The following CCNY variants were observed in gnomAD, a reference collection of about 807,000 sequenced individuals.
CCNY encodes cyclin Y.
Under a neutral mutation model 42.8 loss-of-function variants are expected in CCNY, and 19 were observed. The ratio of observed to expected loss-of-function variants is 0.44; its 90% CI spans 0.31 to 0.65. The LOEUF (loss-of-function observed/expected upper bound fraction) is 0.65, where lower values mean the gene tolerates loss of function less well. CCNY is among the 30% of genes least tolerant of loss of function. CCNY has a pLI of 0.07. For synonymous variants in CCNY, 165 were observed against 162.7 expected (o/e 1.01, Z -0.11); for missense variants, 370 against 437.3 (o/e 0.85, Z 1.37).
At chr10:35,321,760 AT>A (rs1319432508) in intron 3 of CCNY, among the ~76,000 whole-genome samples, 1 of 152,240 alleles carries the variant, frequency 6.6e-6, no homozygotes, top group Non-Finnish European at 1.5e-5. Flanking sequence ...AATGCAAAAA[AT>A]TTTTGAAAAA....
chr10:35,268,582 T>C (rs1163580556), intron 3 of CCNY, among the ~76,000 whole-genome samples: 3 of 152,136 alleles, frequency 2.0e-5, no homozygotes, highest in Non-Finnish European at 2.9e-5. Context: ...TTCCCACAGC[T>C]CCACTAAGCA....
chr10:35,333,140 G>A (rs1053209561), upstream of CCNY, among the ~76,000 whole-genome samples: 12 of 151,984 alleles, frequency 7.9e-5, no homozygotes, highest in African/African-American at 2.9e-4. Flanking sequence ...CCAGACTCAA[G>A]CCATCTTCCT....
At chr10:35,430,696 CAG>C (rs1838372322) in intron 1 of CCNY, among the ~76,000 whole-genome samples, 1 of 152,124 alleles carries the variant, frequency 6.6e-6, no homozygotes, top group South Asian at 2.1e-4. Flanking sequence ...TGAAATTTAA[CAG>C]AATTTAATAA....
chr10:35,412,494 G>A (rs934868743), intron 1 of CCNY, among the ~76,000 whole-genome samples: 1 of 151,984 alleles, frequency 6.6e-6, no homozygotes, highest in African/African-American at 2.4e-5. Context: ...CTGGCAGCAG[G>A]GAAGTATGAG....
intron 2 of CCNY, among the ~76,000 whole-genome samples, chr10:35,495,618 C>T (rs776199221): frequency 2.8e-4 from 42 of 152,166 alleles, no homozygotes; most frequent in Non-Finnish European, 4.9e-4. Context: ...GCCCAGATTT[C>T]GAAATAAGAG....
Position 35,560,145 on chromosome 10 carries a change from A to T in CCNY, c.747-5878A>T, listed in dbSNP as rs149006190. ...CAATCTTCACCCATACCTGATTCAG[A>T]TGAGATTTAGATAGGATTTGGGACT... is the stretch of plus-strand genomic sequence containing the variant. On this transcript the variant is annotated intron_variant, in intron 8 of 9. Transcript: ENST00000374704. Among the ~76,000 whole-genome samples the T allele has an allele frequency of 2.7e-3, 413 of 152,246 alleles. 5 individuals carry two copies. The South Asian group carries it at 0.028, about 10-fold the overall frequency.
chr10:35,552,597 A>G (rs1841282335), intron 7 of CCNY, among the ~76,000 whole-genome samples: 1 of 152,258 alleles, frequency 6.6e-6, no homozygotes. Flanking sequence ...AGATAGGCTT[A>G]TCAACAACTG....
intron 1 of CCNY, among the ~76,000 whole-genome samples, chr10:35,482,063 A>G (rs1215246055): frequency 2.0e-5 from 3 of 152,182 alleles, no homozygotes; most frequent in East Asian, 1.9e-4. Context: ...TTAATCAGGT[A>G]CTCCGGGAGA....
intron 1 of CCNY, among the ~76,000 whole-genome samples, chr10:35,420,436 G>C (rs946071449): frequency 1.3e-5 from 2 of 152,194 alleles, no homozygotes; most frequent in African/African-American, 4.8e-5. Context: ...ATGTGAAGCT[G>C]CTGTGATATT....
In CCNY at chr10:35,532,052, G is replaced by A. The variant is rs1415584761; in HGVS notation, c.579+1809G>A. On this transcript the variant is annotated intron_variant, in intron 7 of 9. Coordinates refer to ENST00000374704, the MANE Select transcript of CCNY (RefSeq NM_145012.6). ...CTGGTGTTGACCAGGATACCAGTTT[G>A]TATGGGGGTCTTGTTGGTTGCAGCT... Among the ~76,000 whole-genome samples the A allele has an allele frequency of 2.0e-5, 3 of 152,258 alleles. No homozygotes were observed. In the East Asian group the frequency reaches 5.8e-4, roughly 29 times the overall value.
At chr10:35,541,599 T>G (rs1360299461) in intron 7 of CCNY, among the ~76,000 whole-genome samples, 1 of 152,182 alleles carries the variant, frequency 6.6e-6, no homozygotes, top group Admixed American at 6.5e-5. Context: ...TGGGTCTTGC[T>G]GTGTTGCCCA....
At chr10:35,279,514 A>T (rs1027445300) in intron 3 of CCNY, among the ~76,000 whole-genome samples, 1 of 152,198 alleles carries the variant, frequency 6.6e-6, no homozygotes, top group Non-Finnish European at 1.5e-5. Flanking sequence ...CAGTGTGCAG[A>T]GGGTCAGATA....
chr10:35,285,076 CATG>C (rs1835337517), intron 3 of CCNY, among the ~76,000 whole-genome samples: 1 of 151,946 alleles, frequency 6.6e-6, no homozygotes, highest in Admixed American at 6.6e-5. Context: ...AGTGCAGCAG[CATG>C]ATCTTAGCTC....
At chr10:35,249,833 T>C (rs916388786) in intron 2 of CCNY, among the ~76,000 whole-genome samples, 1 of 152,086 alleles carries the variant, frequency 6.6e-6, no homozygotes, top group Admixed American at 6.6e-5. Context: ...GCAGACTGCT[T>C]GAGGTCAGGA....
chr10:35,513,580 A>G (rs751705817), intron 3 of CCNY, among the ~76,000 whole-genome samples: 4 of 152,164 alleles, frequency 2.6e-5, no homozygotes, highest in African/African-American at 4.8e-5. Flanking sequence ...CTTTACAAAT[A>G]CTAATTCATG....
At chr10:35,263,028 AC>A (rs755842070) in intron 3 of CCNY, among the ~76,000 whole-genome samples, 73 of 152,122 alleles carry the variant, frequency 4.8e-4, no homozygotes, top group Non-Finnish European at 8.5e-4. Context: ...GACCAGCCTG[AC>A]TGAGCAATAT....
At chr10:35,275,095 G>A (rs1450829428) in intron 3 of CCNY, among the ~76,000 whole-genome samples, 3 of 115,946 alleles carry the variant, frequency 2.6e-5, no homozygotes, top group South Asian at 2.8e-4. Flanking sequence ...ATGGAGTCTC[G>A]CTCTGTCACC....
At chr10:35,372,360 C>T (rs1040113161) in intron 1 of CCNY, among the ~76,000 whole-genome samples, 4 of 152,210 alleles carry the variant, frequency 2.6e-5, no homozygotes, top group Non-Finnish European at 5.9e-5. Flanking sequence ...AAAGATTACT[C>T]TTCCAAAAGT....
At position 35,530,040 on chromosome 10, in the gene CCNY, T is replaced by G. The variant is rs1004064539; in HGVS notation, c.459+10T>G. 6.2e-7 allele frequency: 1 copy of G among 1,613,964 alleles called. No individual in the cohort carries two copies. The highest frequency in any genetic ancestry group is 1.3e-5 in the African/African-American group (1 of 74,928). On this transcript the variant is annotated intron_variant, in intron 6 of 9. Transcript: ENST00000374704. This position sits in a 1 kb window ranked among gnomAD's most constrained non-coding sequence, Gnocchi z 4.3. ...TCTTCACCCTCTTTCGGTAATCTCCTCCGTGTGTTTCATGAGATGATTTAA... is the reference window on the plus strand; with the variant it reads ...TCTTCACCCTCTTTCGGTAATCTCCGCCGTGTGTTTCATGAGATGATTTAA...
Sources: gnomAD v4.1 joint callset for allele counts (sites outside exome capture counted in the v4.1 genomes callset) on GRCh38, gnomAD v4.1.1 for gene constraint, Gnocchi (gnomAD v3.1) non-coding constraint, MANE v1.5 for transcripts, NCBI Gene and HGNC (gene_info 2026-07-23, HGNC 2026-07-21) for gene names.